Variants in ABTB3 observed in about 807,000 individuals in gnomAD.
The protein encoded by ABTB3 is ankyrin repeat- and BTB/POZ domain-containing protein 3.
At chr12:107,609,883 A>G in the ABTB3 span, among the ~76,000 whole-genome samples, 1 of 152,204 alleles carries the variant, frequency 6.6e-6, no homozygotes, top group Non-Finnish European at 1.5e-5. Flanking sequence ...TGGGGATTCA[A>G]TGAATTAATT....
chr12:107,638,706 A>C, the ABTB3 span, among the ~76,000 whole-genome samples: 2 of 152,208 alleles, frequency 1.3e-5, no homozygotes, highest in African/African-American at 4.8e-5. Flanking sequence ...TTTGTCAGCC[A>C]CTTTGCTAAG....
At chr12:107,518,634 A>G in the ABTB3 span, among the ~76,000 whole-genome samples, 1 of 151,846 alleles carries the variant, frequency 6.6e-6, no homozygotes, top group Admixed American at 6.6e-5. Flanking sequence ...GGATAACATT[A>G]GGAGATATAC....
the ABTB3 span, among the ~76,000 whole-genome samples, chr12:107,493,478 G>A: frequency 6.6e-6 from 1 of 152,174 alleles, no homozygotes; most frequent in East Asian, 1.9e-4. Context: ...CCTTCTCTCA[G>A]CCTCAGAGGC....
At chr12:107,439,436 G>A in the ABTB3 span, among the ~76,000 whole-genome samples, 1 of 152,130 alleles carries the variant, frequency 6.6e-6, no homozygotes, top group Non-Finnish European at 1.5e-5. Flanking sequence ...GGAATTCACA[G>A]GCCACCCATT....
the ABTB3 span, among the ~76,000 whole-genome samples, chr12:107,485,231 G>A: frequency 2.8e-3 from 428 of 152,078 alleles, 3 homozygotes; most frequent in African/African-American, 9.5e-3. Flanking sequence ...TTTCCTCTCC[G>A]TCTTGTTGAT....
At chr12:107,512,517 C>A in the ABTB3 span, among the ~76,000 whole-genome samples, 1,947 of 152,260 alleles carry the variant, frequency 0.013, 41 homozygotes, top group African/African-American at 0.043. Flanking sequence ...GTAATAATGC[C>A]AGGGAAAACA....
the ABTB3 span, among the ~76,000 whole-genome samples, chr12:107,487,712 A>G: frequency 5.3e-5 from 8 of 152,152 alleles, no homozygotes; most frequent in Non-Finnish European, 1.0e-4. Flanking sequence ...CAAAGACCCC[A>G]ACTATATTTT....
chr12:107,426,999 TC>T, the ABTB3 span, among the ~76,000 whole-genome samples: 1 of 152,212 alleles, frequency 6.6e-6, no homozygotes, highest in East Asian at 1.9e-4. Flanking sequence ...GTATTAGTTG[TC>T]CTGTTGCTGC....
At chr12:107,401,807 A>C in the ABTB3 span, among the ~76,000 whole-genome samples, 1 of 152,248 alleles carries the variant, frequency 6.6e-6, no homozygotes, top group South Asian at 2.1e-4. Context: ...CATAATAAGC[A>C]AAATAATAAG....
chr12:107,601,387 G>A, the ABTB3 span, among the ~76,000 whole-genome samples: 2 of 152,372 alleles, frequency 1.3e-5, no homozygotes, highest in East Asian at 1.9e-4. Context: ...ATCCATTGAA[G>A]TGGTGAAAAT....
chr12:107,645,470 T>C, the ABTB3 span, among the ~76,000 whole-genome samples: 1 of 152,170 alleles, frequency 6.6e-6, no homozygotes, highest in South Asian at 2.1e-4. Flanking sequence ...CTAGCAGAGC[T>C]GAGGTTCAAA....
the ABTB3 span, among the ~76,000 whole-genome samples, chr12:107,478,074 G>T: frequency 3.3e-5 from 5 of 152,168 alleles, no homozygotes; most frequent in South Asian, 2.1e-4. Context: ...TGCATTAAAT[G>T]GTTCTGTCCA....
chr12:107,394,089 G>A, the ABTB3 span, among the ~76,000 whole-genome samples: 2 of 152,164 alleles, frequency 1.3e-5, no homozygotes. Context: ...AAACCCTTCT[G>A]CAAAGAATTT....
the ABTB3 span, among the ~76,000 whole-genome samples, chr12:107,423,278 T>C: frequency 6.6e-6 from 1 of 152,242 alleles, no homozygotes. Context: ...TGCTTTCACA[T>C]AGACATAAAA....
the ABTB3 span, among the ~76,000 whole-genome samples, chr12:107,331,204 T>TTC: frequency 6.6e-6 from 1 of 152,228 alleles, no homozygotes; most frequent in African/African-American, 2.4e-5. Context: ...CACAGCCTTT[T>TTC]TCTCTCTCTG....
the ABTB3 span, among the ~76,000 whole-genome samples, chr12:107,439,932 G>A: frequency 1.3e-5 from 2 of 152,162 alleles, no homozygotes. Flanking sequence ...ATTCCCTGCT[G>A]CTTTACTCAT....
the ABTB3 span, among the ~76,000 whole-genome samples, chr12:107,603,140 C>T: frequency 1.3e-5 from 2 of 152,180 alleles, no homozygotes; most frequent in Non-Finnish European, 1.5e-5. Flanking sequence ...GTCCAGGCCA[C>T]GGAGGGACAT....
At chr12:107,582,730 T>C in the ABTB3 span, among the ~76,000 whole-genome samples, 228 of 152,358 alleles carry the variant, frequency 1.5e-3, no homozygotes, top group African/African-American at 5.1e-3. Context: ...GAAGAAATTC[T>C]TGTGGTCCTA....
chr12:107,642,093 C>T, the ABTB3 span: 1 of 1,613,678 alleles, frequency 6.2e-7, no homozygotes, highest in Non-Finnish European at 8.5e-7. Flanking sequence ...TGTTCAGGTT[C>T]AAAGCACTCC....
Sources: gnomAD v4.1 joint callset for allele counts (sites outside exome capture counted in the v4.1 genomes callset) on GRCh38, gnomAD v4.1.1 for gene constraint, MANE v1.5 for transcripts, NCBI Gene and HGNC (gene_info 2026-07-23, HGNC 2026-07-21) for gene names.